PTPRJ: variants seen among roughly 807,000 people sequenced by gnomAD.
The protein encoded by PTPRJ is protein tyrosine phosphatase receptor type J.
A neutral mutation model predicts 141.3 loss-of-function variants in PTPRJ; 129 were observed. The observed-to-expected ratio is 0.91, with a 90% CI of 0.79 to 1.06. PTPRJ has a LOEUF of 1.06. Among genes scored for constraint, PTPRJ ranks in the 50% least tolerant of loss-of-function variants. The pLI, the probability that PTPRJ is intolerant of heterozygous loss-of-function variation, is 0.00. For missense variants in PTPRJ, 1,601 were observed against 1,679.7 expected, an observed-to-expected ratio of 0.95 and a Z score of 0.82; for synonymous variants, 610 against 640.5, an observed-to-expected ratio of 0.95 and a Z score of 0.72.
chr11:48,053,209 TATATAATATATTAAATATATTATA>T (rs1458066974), intron 1 of PTPRJ, among the ~76,000 whole-genome samples: 1 of 95,284 alleles, frequency 1.0e-5, no homozygotes, highest in African/African-American at 4.4e-5. Flanking sequence ...AAATATATTA[TATATAATATATTAAATATATTATA>T]TATAATATAT....
intron 1 of PTPRJ, among the ~76,000 whole-genome samples, chr11:48,068,474 T>G (rs1402197098): frequency 6.6e-6 from 1 of 152,206 alleles, no homozygotes; most frequent in Non-Finnish European, 1.5e-5. Context: ...CCTGCCACCA[T>G]GTAAGATGTG....
At chr11:47,993,138 C>A (rs1368492185) in intron 1 of PTPRJ, among the ~76,000 whole-genome samples, 1 of 152,096 alleles carries the variant, frequency 6.6e-6, no homozygotes, top group East Asian at 1.9e-4. Flanking sequence ...GGGAAGTGGG[C>A]CGACTGAAAG....
At chr11:48,124,080 A>AAT (rs1856778135) in intron 5 of PTPRJ, among the ~76,000 whole-genome samples, 1 of 152,226 alleles carries the variant, frequency 6.6e-6, no homozygotes, top group African/African-American at 2.4e-5. Flanking sequence ...GGCTGAGAAC[A>AAT]GCAATAGGAA....
At chr11:48,135,476 C>CT (rs34709299) in intron 8 of PTPRJ, among the ~76,000 whole-genome samples, 15,839 of 58,342 alleles carry the variant, frequency 0.27, 2,418 homozygotes, top group East Asian at 0.31. Flanking sequence ...CGCGCCTGGC[C>CT]TTTTTTTTTT....
chr11:48,003,509 T>C (rs759082492), intron 1 of PTPRJ, among the ~76,000 whole-genome samples: 1 of 152,196 alleles, frequency 6.6e-6, no homozygotes, highest in Non-Finnish European at 1.5e-5. Flanking sequence ...ATTGAGTTAT[T>C]TACTTGAGAC....
intron 1 of PTPRJ, among the ~76,000 whole-genome samples, chr11:48,023,783 AAAATAAATAAAT>A (rs151301730): frequency 0.045 from 6,737 of 149,144 alleles, 519 homozygotes; most frequent in African/African-American, 0.16. Context: ...CTCGGACTCA[AAAATAAATAAAT>A]AAATAAATAA....
At chr11:48,161,781 T>G (rs1857785614) in intron 22 of PTPRJ, among the ~76,000 whole-genome samples, 1 of 151,842 alleles carries the variant, frequency 6.6e-6, no homozygotes. Flanking sequence ...CCCAGCTAAT[T>G]TTTTTTGTAT....
chr11:47,989,970 A>G (rs1854147044), intron 1 of PTPRJ, among the ~76,000 whole-genome samples: 1 of 152,192 alleles, frequency 6.6e-6, no homozygotes, highest in African/African-American at 2.4e-5. Context: ...GGGTAGTTGG[A>G]GAAGCTAAGT....
intron 1 of PTPRJ, among the ~76,000 whole-genome samples, chr11:48,013,146 C>T (rs1854853675): frequency 6.6e-6 from 1 of 151,894 alleles, no homozygotes; most frequent in Non-Finnish European, 1.5e-5. Flanking sequence ...GATGTCAAGC[C>T]CCACGGGACT....
At chr11:48,053,214 A>ATATT (rs1854627244) in intron 1 of PTPRJ, among the ~76,000 whole-genome samples, 1 of 92,658 alleles carries the variant, frequency 1.1e-5, no homozygotes, top group Non-Finnish European at 1.9e-5. Flanking sequence ...TATTATATAT[A>ATATT]ATATATTAAA....
intron 1 of PTPRJ, among the ~76,000 whole-genome samples, chr11:47,998,869 G>A (rs1590392477): frequency 6.6e-6 from 1 of 152,164 alleles, no homozygotes; most frequent in Non-Finnish European, 1.5e-5. Flanking sequence ...GCCAGGGAAG[G>A]GAGGGATGTT....
At position 48,158,907 on chromosome 11, in the gene PTPRJ, G is replaced by A. The variant is rs747448225; in HGVS notation, c.3439-1023G>A. Among the ~76,000 whole-genome samples the A allele has an allele frequency of 2.3e-4, 35 of 152,120 alleles. No homozygotes were observed. Among genetic ancestry groups the A allele is most frequent in the Non-Finnish European group, 3.8e-4 (26 of 68,032 alleles). ...GTTGAGGCTGCAGTGAGCCGTGATC[G>A]TGCCATTGTACCCCAGCTTGTATGA... On this transcript the variant is annotated intron_variant, in intron 21 of 24. Coordinates refer to ENST00000418331, the MANE Select transcript of PTPRJ (RefSeq NM_002843.4). This position sits in a 1 kb window ranked among gnomAD's most constrained non-coding sequence, Gnocchi z 4.4.
At chr11:47,986,628 T>C (rs2078883693) in intron 1 of PTPRJ, among the ~76,000 whole-genome samples, 1 of 152,212 alleles carries the variant, frequency 6.6e-6, no homozygotes, top group South Asian at 2.1e-4. Context: ...GCAATTCTAC[T>C]GCCTTAGTCT....
intron 1 of PTPRJ, among the ~76,000 whole-genome samples, chr11:48,049,964 G>A (rs2134245909): frequency 6.6e-6 from 1 of 152,250 alleles, no homozygotes; most frequent in East Asian, 1.9e-4. Flanking sequence ...TTGAAGTTTT[G>A]TGGATAAAAG....
intron 1 of PTPRJ, among the ~76,000 whole-genome samples, chr11:48,004,001 A>G (rs755275048): frequency 1.3e-5 from 2 of 152,136 alleles, no homozygotes; most frequent in Non-Finnish European, 2.9e-5. Flanking sequence ...CACTGGTCTG[A>G]TGGTACCCAG....
intron 1 of PTPRJ, among the ~76,000 whole-genome samples, chr11:48,065,913 C>A (rs12294477): frequency 0.011 from 1,636 of 152,352 alleles, 27 homozygotes; most frequent in African/African-American, 0.037. Flanking sequence ...TGCTGGCCTT[C>A]ATGTTATTGA....
Position 48,167,191 on chromosome 11 carries a change from GT to G in PTPRJ, c.3856-8del, listed in dbSNP as rs1418323262. 4 of 1,598,360 alleles carry G rather than the reference GT, an allele frequency of 2.5e-6. No individual in the cohort carries two copies. The highest frequency in any genetic ancestry group is 2.7e-5 in the African/African-American group (2 of 74,184). On this transcript the variant is annotated splice_polypyrimidine_tract_variant and intron_variant, in intron 24 of 24. Transcript: ENST00000418331. ...TGTTCATTTTCTGTCTCTCTCTTTC[GT>G]TTTTCTATCAGGACCAGTATGTTTT... is the stretch of plus-strand genomic sequence containing the variant.
chr11:48,005,278 C>T (rs1328607605), intron 1 of PTPRJ, among the ~76,000 whole-genome samples: 1 of 151,892 alleles, frequency 6.6e-6, no homozygotes, highest in Non-Finnish European at 1.5e-5. Flanking sequence ...ATTGTGCAAC[C>T]ATCACTGCTG....
At chr11:48,063,159 C>A (rs1170644257) in intron 1 of PTPRJ, among the ~76,000 whole-genome samples, 1 of 152,090 alleles carries the variant, frequency 6.6e-6, no homozygotes, top group Non-Finnish European at 1.5e-5. Flanking sequence ...GAAACCTTGT[C>A]TCTATTAAAA....
Sources: gnomAD v4.1 joint callset for allele counts (sites outside exome capture counted in the v4.1 genomes callset) on GRCh38, gnomAD v4.1.1 for gene constraint, Gnocchi (gnomAD v3.1) non-coding constraint, MANE v1.5 for transcripts, NCBI Gene and HGNC (gene_info 2026-07-23, HGNC 2026-07-21) for gene names.